The following LACRT variants were observed in gnomAD, a reference collection of about 807,000 sequenced individuals.
The protein encoded by LACRT is extracellular glycoprotein lacritin.
A neutral mutation model predicts 14.5 loss-of-function variants in LACRT; 14 were observed. That is an observed-to-expected ratio of 0.96 (90% CI 0.64 to 1.51). The LOEUF (loss-of-function observed/expected upper bound fraction) is 1.51. Ranked by LOEUF, LACRT falls within the 40% of genes most tolerant of loss-of-function variation. The pLI, the probability that LACRT is intolerant of heterozygous loss-of-function variation, is 0.00. For synonymous variants in LACRT, 70 were observed against 63.5 expected (o/e 1.10, Z -0.48); for missense variants, 156 against 161.8 (o/e 0.96, Z 0.19).
intron 2 of LACRT, 52 bp from the exon 3 acceptor site, chr12:54,632,433 T>C (rs1958159192): frequency 1.2e-6 from 2 of 1,605,370 alleles, no homozygotes; most frequent in Non-Finnish European, 1.7e-6. Context: ...GTTTGTTTCT[T>C]TTGGAATGGG....
intron 1 of LACRT, among the ~76,000 whole-genome samples, chr12:54,634,165 C>A (rs1319513747): frequency 6.6e-6 from 1 of 152,010 alleles, no homozygotes; most frequent in East Asian, 1.9e-4. Context: ...CCAACCTGGC[C>A]AACATGGTGA....
chr12:54,633,407 A>T (rs967790340), intron 1 of LACRT, among the ~76,000 whole-genome samples, 174 bp from the exon 2 acceptor site: 2 of 151,968 alleles, frequency 1.3e-5, no homozygotes, highest in East Asian at 3.9e-4. Context: ...CTACTGGGGC[A>T]CTCTCTGATG....
intron 3 of LACRT, 132 bp from the exon 4 acceptor site, chr12:54,631,971 GT>G (rs1958155268): frequency 1.5e-6 from 1 of 652,800 alleles, no homozygotes; most frequent in South Asian, 1.8e-5. Flanking sequence ...AAGTCCTAAA[GT>G]GCAGAAGTTT....
chr12:54,632,910 A>T (rs1958162661), intron 2 of LACRT, among the ~76,000 whole-genome samples: 1 of 151,988 alleles, frequency 6.6e-6, no homozygotes, highest in African/African-American at 2.4e-5. Flanking sequence ...CTTACCACTT[A>T]ACCTCATGTT....
Position 54,630,846 on chromosome 12 carries a change from G to T in LACRT, c.*46C>A. 7.3e-7 allele frequency: 1 copy of T among 1,367,856 alleles called. No individual in the cohort carries two copies. Among genetic ancestry groups the T allele is most frequent in the Non-Finnish European group, 1.0e-6 (1 of 955,974 alleles). 84.7% of individuals were successfully genotyped at this position (1,367,856 alleles called of 1,614,324 possible). On this transcript the variant is annotated 3_prime_UTR_variant, in exon 5 of 5. Transcript: ENST00000257867. Reference sequence around the variant, plus strand: ...TCGTTTTAATAGCTCTGGGCTACAAGGGTATTTAAGGCTTTAAGTCCAATG... The same window carrying T: ...TCGTTTTAATAGCTCTGGGCTACAATGGTATTTAAGGCTTTAAGTCCAATG...
chr12:54,631,149 A>G (rs1192147750), intron 4 of LACRT, among the ~76,000 whole-genome samples, 196 bp from the exon 5 acceptor site: 3 of 152,238 alleles, frequency 2.0e-5, no homozygotes, highest in Non-Finnish European at 4.4e-5. Flanking sequence ...TGGCAGGGGC[A>G]GGGGACAAGA....
chr12:54,634,357 A>T (rs1224809090), intron 1 of LACRT, among the ~76,000 whole-genome samples: 32 of 151,580 alleles, frequency 2.1e-4, no homozygotes, highest in African/African-American at 7.3e-4. Flanking sequence ...GTCTCAAAAA[A>T]AAAAAAAAAA....
chr12:54,634,151 G>A (rs1444806315), intron 1 of LACRT, among the ~76,000 whole-genome samples: 2 of 152,006 alleles, frequency 1.3e-5, no homozygotes, highest in Non-Finnish European at 2.9e-5. Context: ...TCAGGAGTTC[G>A]AGACCAACCT....
In LACRT at chr12:54,634,879, CAGA is replaced by C. The variant is rs773095218; in HGVS notation, c.-41_-39del. On this transcript the variant is annotated 5_prime_UTR_variant, in exon 1 of 5. Coordinates refer to ENST00000257867, the MANE Select transcript of LACRT (RefSeq NM_033277.2). Reference sequence around the variant, plus strand: ...GGAGTGAGTATAACCACAGAATCTGCAGAAGGTCTGGGGAATAAGGATGCTGAA... The same window carrying C: ...GGAGTGAGTATAACCACAGAATCTGCAGGTCTGGGGAATAAGGATGCTGAA... 14 of 1,548,136 alleles carry C rather than the reference CAGA, an allele frequency of 9.0e-6. No homozygotes were observed. The highest frequency in any genetic ancestry group is 1.2e-5 in the Non-Finnish European group (13 of 1,120,256).
chr12:54,631,295 A>G (rs553841234), intron 4 of LACRT, among the ~76,000 whole-genome samples: 1 of 152,294 alleles, frequency 6.6e-6, no homozygotes, highest in Non-Finnish European at 1.5e-5. Flanking sequence ...GATGGAGTGC[A>G]GTGGCACAAT....
chr12:54,633,175 C>A lies in LACRT; in HGVS notation c.112+5G>T. ...GGCTAGGGCAGCAGGGAGAGGAGGA[C>A]TCACAGGTCCCAGCTTCCTGGGCAG... On this transcript the variant is annotated splice_donor_5th_base_variant and intron_variant, in intron 2 of 4. Transcript: ENST00000257867. 2 of 1,613,928 alleles carry A rather than the reference C, an allele frequency of 1.2e-6. No individual in the cohort carries two copies. Among genetic ancestry groups the A allele is most frequent in the Non-Finnish European group, 1.7e-6 (2 of 1,179,870 alleles).
chr12:54,630,832 G>A lies in LACRT; in HGVS notation c.*60C>T. The A allele has an allele frequency of 7.7e-7, 1 of 1,296,594 alleles. No individual in the cohort carries two copies. 80.3% of individuals were successfully genotyped at this position (1,296,594 alleles called of 1,614,324 possible). A position where few individuals can be genotyped will look rare whatever the true frequency, so the allele number is the denominator to read the frequency against. ...CAAGTTGGATGCTTTCGTTTTAATA[G>A]CTCTGGGCTACAAGGGTATTTAAGG... On this transcript the variant is annotated 3_prime_UTR_variant, in exon 5 of 5. Transcript: ENST00000257867.
At chr12:54,632,101 A>G (rs1487323259) in intron 3 of LACRT, 140 bp downstream of exon 3, 2 of 944,488 alleles carry the variant, frequency 2.1e-6, no homozygotes, top group African/African-American at 1.6e-5. Flanking sequence ...GCAATGCACA[A>G]TCCCATTTGT....
Position 54,632,294 on chromosome 12 carries a change from G to T in LACRT, c.200C>A (p.Ala67Glu). 6.2e-7 allele frequency: 1 copy of T among 1,614,132 alleles called. No individual in the cohort carries two copies. The highest frequency in any genetic ancestry group is 1.1e-5 in the South Asian group (1 of 91,074). The change falls in exon 3 of 5, where the codon GCA becomes GAA. Residue 67 changes from alanine to glutamate, a missense_variant. Transcript: ENST00000257867. The part of the protein sequence containing the change: ...TTTAQETSAA[A>E]VQGTAKVTSS... ...GGTGACCTTGGCTGTCCCCTGAACTGCTGCCGCCGAAGTCTCCTGGGCTGT... is the reference window on the plus strand; with the variant it reads ...GGTGACCTTGGCTGTCCCCTGAACTTCTGCCGCCGAAGTCTCCTGGGCTGT...
intron 4 of LACRT, among the ~76,000 whole-genome samples, chr12:54,631,274 C>G (rs937324346): frequency 4.6e-5 from 7 of 152,204 alleles, no homozygotes; most frequent in Non-Finnish European, 1.0e-4. Flanking sequence ...GGGTCTTTCT[C>G]TGTCACCCAG....
At position 54,630,925 on chromosome 12, in the gene LACRT, CA is replaced by C. The variant is rs1235489664; in HGVS notation, c.383del (p.Leu128ArgfsTer7). The C allele has an allele frequency of 5.6e-6, 9 of 1,612,628 alleles. No homozygotes were observed. The highest frequency in any genetic ancestry group is 7.6e-6 in the Non-Finnish European group (9 of 1,178,876). On this transcript the variant is annotated frameshift_variant, in exon 5 of 5. Coordinates refer to ENST00000257867, the MANE Select transcript of LACRT (RefSeq NM_033277.2). LOFTEE classifies it low-confidence loss of function (END_TRUNC). ...ENGSEFAQKL[L>X]KKFSLLKPWA is the part of the protein sequence containing the mutation. ...ATGGTTTTAATAGACTGAATTTCTT[CA>C]GTAATTTTTGTGCAAATTCACTTCC...
At chr12:54,634,447 A>G (rs1958174897) in intron 1 of LACRT, among the ~76,000 whole-genome samples, 1 of 151,810 alleles carries the variant, frequency 6.6e-6, no homozygotes, top group Non-Finnish European at 1.5e-5. Context: ...GCCAGATTTT[A>G]GCTTCTACCA....
intron 3 of LACRT, 102 bp downstream of exon 3, chr12:54,632,139 C>T: frequency 7.2e-7 from 1 of 1,379,690 alleles, no homozygotes; most frequent in Non-Finnish European, 1.0e-6. Context: ...TTTGAGTCTA[C>T]CTGCTTCTCA....
At chr12:54,631,947 A>T in intron 3 of LACRT, 108 bp from the exon 4 acceptor site, 3 of 528,274 alleles carry the variant, frequency 5.7e-6, no homozygotes, top group Non-Finnish European at 1.0e-5. Flanking sequence ...CACCCAGGAC[A>T]TCATCCCTAC....
Sources: allele counts gnomAD v4.1 joint callset (sites outside exome capture counted in the v4.1 genomes callset), GRCh38; gene constraint gnomAD v4.1.1; transcripts MANE v1.5; gene names NCBI Gene and HGNC (gene_info 2026-07-23, HGNC 2026-07-21).